The following ATF6 variants were observed in gnomAD, a reference collection of about 807,000 sequenced individuals.
ATF6 encodes the protein cyclic AMP-dependent transcription factor ATF-6 alpha.
Under a neutral mutation model 83.6 loss-of-function variants are expected in ATF6, and 53 were observed. The observed-to-expected ratio is 0.63, with a 90% CI of 0.51 to 0.80. The LOEUF (loss-of-function observed/expected upper bound fraction) is 0.80, where lower values mean the gene tolerates loss of function less well. Among genes scored for constraint, ATF6 ranks in the 30% least tolerant of loss-of-function variants. The pLI, the probability that ATF6 is intolerant of heterozygous loss-of-function variation, is 0.00. For missense variants in ATF6, 744 were observed against 797.9 expected, an observed-to-expected ratio of 0.93 and a Z score of 0.81; for synonymous variants, 288 against 285.8, an observed-to-expected ratio of 1.01 and a Z score of -0.08.
At chr1:161,874,896 C>T (rs1394604585) in intron 14 of ATF6, among the ~76,000 whole-genome samples, 2 of 151,676 alleles carry the variant, frequency 1.3e-5, no homozygotes, top group East Asian at 1.9e-4. Context: ...TATCCATCTC[C>T]TTGTTTTCTA....
chr1:161,793,939 G>A (rs12409812), intron 6 of ATF6, among the ~76,000 whole-genome samples: 18,057 of 151,478 alleles, frequency 0.12, 1,617 homozygotes, highest in East Asian at 0.31. Context: ...ACAGAGTCTC[G>A]CTGTGTTGCC....
rs753238584 is a variant in ATF6, at chr1:161,819,819, G to C, written c.1095+1G>C. 6.2e-7 allele frequency: 1 copy of C among 1,605,170 alleles called. No homozygotes were observed. Among genetic ancestry groups the C allele is most frequent in the Admixed American group, 1.7e-5 (1 of 58,664 alleles). ...GCAGCTGGATGAAGTTGTGTCAGAG[G>C]TAAGTGTTAGTAATACGGCTGAGTC... On this transcript the variant is annotated splice_donor_variant, in intron 8 of 15. Transcript: ENST00000367942. LOFTEE classifies it high-confidence loss of function.
At chr1:161,782,364 C>T (rs1246434398) in intron 3 of ATF6, among the ~76,000 whole-genome samples, 4 of 152,142 alleles carry the variant, frequency 2.6e-5, no homozygotes, top group Non-Finnish European at 4.4e-5. Flanking sequence ...GGAGGAGTCC[C>T]ATGCATTTAA....
In ATF6 at chr1:161,824,035, C is replaced by T. The variant is rs1223446270; in HGVS notation, c.1187+2874C>T. On this transcript the variant is annotated intron_variant, in intron 9 of 15. Coordinates refer to ENST00000367942, the MANE Select transcript of ATF6 (RefSeq NM_007348.4). ...TTATCTGAAATTGTGATAGAGTTTG[C>T]CAAATTGCCTTCCAAAAAGACTGTA... is the stretch of plus-strand genomic sequence containing the variant. Among the ~76,000 whole-genome samples, 6 of 152,134 alleles carry T rather than the reference C, an allele frequency of 3.9e-5. No homozygotes were observed. The East Asian group carries it at 1.2e-3, about 29-fold the overall frequency.
chr1:161,834,527 A>G lies in ATF6; in HGVS notation c.1188-11922A>G, dbSNP rs905917136. On this transcript the variant is annotated intron_variant, in intron 9 of 15. Transcript: ENST00000367942. ...ATTCTCAGCAAACTATTGCAAGGAT[A>G]AAAAACCAAACACCGCATGTTCTCA... Among the ~76,000 whole-genome samples the G allele has an allele frequency of 3.3e-5, 5 of 151,644 alleles. No individual in the cohort carries two copies. The South Asian group carries it at 1.0e-3, about 32-fold the overall frequency.
intron 15 of ATF6, among the ~76,000 whole-genome samples, chr1:161,920,100 A>G (rs187124530): frequency 3.3e-5 from 5 of 152,044 alleles, no homozygotes; most frequent in South Asian, 2.1e-4. Flanking sequence ...TCTTCTCAAT[A>G]TATTTCTCCT....
At chr1:161,809,562 A>G (rs1387392979) in intron 7 of ATF6, among the ~76,000 whole-genome samples, 4 of 152,208 alleles carry the variant, frequency 2.6e-5, no homozygotes, top group Non-Finnish European at 5.9e-5. Flanking sequence ...TATACCCAGT[A>G]ATGGGATGGT....
At chr1:161,901,439 AAC>A (rs1311758249) in intron 14 of ATF6, among the ~76,000 whole-genome samples, 2 of 151,952 alleles carry the variant, frequency 1.3e-5, no homozygotes, top group Admixed American at 6.6e-5. Flanking sequence ...TGAAAAAAAA[AAC>A]AATTAAAATT....
At chr1:161,882,089 T>A (rs1332796376) in intron 14 of ATF6, among the ~76,000 whole-genome samples, 1 of 152,128 alleles carries the variant, frequency 6.6e-6, no homozygotes, top group African/African-American at 2.4e-5. Flanking sequence ...TATACCAGAC[T>A]GTTAGTTTTC....
chr1:161,914,442 T>C (rs1688050142), intron 15 of ATF6, among the ~76,000 whole-genome samples: 1 of 152,220 alleles, frequency 6.6e-6, no homozygotes, highest in African/African-American at 2.4e-5. Flanking sequence ...ACTCCTCCAC[T>C]GCCTCTGTCA....
chr1:161,838,797 C>T (rs184610137), intron 9 of ATF6, among the ~76,000 whole-genome samples: 1 of 152,264 alleles, frequency 6.6e-6, no homozygotes, highest in Non-Finnish European at 1.5e-5. Flanking sequence ...GCACGGTAAT[C>T]CCTGGCTCTG....
At chr1:161,948,772 A>T (rs1041247054) in intron 15 of ATF6, among the ~76,000 whole-genome samples, 34 of 152,210 alleles carry the variant, frequency 2.2e-4, no homozygotes, top group African/African-American at 8.0e-4. Context: ...ATAAATCCAG[A>T]CACCTTTATG....
intron 7 of ATF6, among the ~76,000 whole-genome samples, chr1:161,809,325 A>G (rs2101766367): frequency 6.6e-6 from 1 of 152,180 alleles, no homozygotes; most frequent in East Asian, 1.9e-4. Flanking sequence ...TAGTTTGCTG[A>G]GAATGATGGT....
chr1:161,865,697 C>G (rs16856629), intron 14 of ATF6, among the ~76,000 whole-genome samples: 21,600 of 152,004 alleles, frequency 0.14, 2,094 homozygotes, highest in East Asian at 0.32. Flanking sequence ...CATTCTGTTT[C>G]GATTTTTCAT....
chr1:161,799,428 T>C (rs1417231935), intron 6 of ATF6, among the ~76,000 whole-genome samples: 1 of 152,062 alleles, frequency 6.6e-6, no homozygotes, highest in African/African-American at 2.4e-5. Flanking sequence ...GGGGCTACTT[T>C]TGAGGGTGGA....
chr1:161,855,407 G>A (rs1374301640), intron 12 of ATF6, among the ~76,000 whole-genome samples: 1 of 152,184 alleles, frequency 6.6e-6, no homozygotes, highest in Non-Finnish European at 1.5e-5. Context: ...CCAGTACTGG[G>A]GAAGGAGCAG....
At chr1:161,789,035 A>G (rs1684813085) in intron 4 of ATF6, among the ~76,000 whole-genome samples, 1 of 151,928 alleles carries the variant, frequency 6.6e-6, no homozygotes. Context: ...CATGGTAGGC[A>G]TATATATTTG....
rs201969004 is a variant in ATF6, at chr1:161,860,737, A to AT, written c.1604+468dup. On this transcript the variant is annotated intron_variant, in intron 13 of 15. Transcript: ENST00000367942. The stretch of plus-strand genomic sequence containing the variant: ...TATAGAAAAACTGGTCAAATCATTT[A>AT]TTTTTTTTGTAATTTTCAGAGTCAT... Among the ~76,000 whole-genome samples, 732 of 151,858 alleles carry AT rather than the reference A, an allele frequency of 4.8e-3. 1 individual carries two copies. The highest frequency in any genetic ancestry group is 7.8e-3 in the Non-Finnish European group (531 of 67,896).
chr1:161,958,044 G>A (rs1189026015), intron 15 of ATF6, among the ~76,000 whole-genome samples: 3 of 152,154 alleles, frequency 2.0e-5, no homozygotes, highest in Non-Finnish European at 2.9e-5. Flanking sequence ...TCCCATTGTT[G>A]AAGGCAGGGA....
Sources: gnomAD v4.1 joint callset for allele counts (sites outside exome capture counted in the v4.1 genomes callset) on GRCh38, gnomAD v4.1.1 for gene constraint, MANE v1.5 for transcripts, NCBI Gene and HGNC (gene_info 2026-07-23, HGNC 2026-07-21) for gene names.